The following IRAG1 variants were observed in gnomAD, a reference collection of about 807,000 sequenced individuals.
The protein encoded by IRAG1 is inositol 1,4,5-triphosphate receptor associated 1.
IRAG1 carries 62 observed loss-of-function variants against 106.2 expected under a neutral mutation model. That is an observed-to-expected ratio of 0.58 (90% CI 0.48 to 0.72). The LOEUF is 0.72. Among genes scored for constraint, IRAG1 ranks in the 30% least tolerant of loss-of-function variants. IRAG1 has a pLI of 0.00. For synonymous variants in IRAG1, 462 were observed against 443.9 expected, an observed-to-expected ratio of 1.04 and a Z score of -0.51; for missense variants, 1,064 against 1,140.7, an observed-to-expected ratio of 0.93 and a Z score of 0.97.
chr11:10,670,287 C>T (rs537994357), intron 1 of IRAG1, among the ~76,000 whole-genome samples: 73 of 152,232 alleles, frequency 4.8e-4, no homozygotes, highest in African/African-American at 1.7e-3. Flanking sequence ...ACTTTAAAGC[C>T]GGCAGTGTAA....
At chr11:10,682,810 A>G (rs1482271519) in intron 1 of IRAG1, among the ~76,000 whole-genome samples, 1 of 152,136 alleles carries the variant, frequency 6.6e-6, no homozygotes, top group Non-Finnish European at 1.5e-5. Context: ...TTTAGTAAGA[A>G]CCCCTATATA....
chr11:10,675,208 G>T (rs1207792522), intron 1 of IRAG1, among the ~76,000 whole-genome samples: 1 of 152,178 alleles, frequency 6.6e-6, no homozygotes, highest in Non-Finnish European at 1.5e-5. Context: ...TTCCACCCTG[G>T]ACTGGGCCAG....
chr11:10,597,294 A>T (rs1311317218), intron 15 of IRAG1, among the ~76,000 whole-genome samples: 2 of 151,892 alleles, frequency 1.3e-5, no homozygotes, highest in African/African-American at 4.8e-5. Context: ...GTATTCTTTT[A>T]CTCTGTTTTT....
rs528867271 is a variant in IRAG1 at position 10,601,094 on chromosome 11, T to C, written c.1876-35A>G. The C allele has an allele frequency of 3.7e-6, 6 of 1,611,410 alleles. No individual in the cohort carries two copies. The Admixed American group carries it at 5.0e-5, about 13-fold the overall frequency. On this transcript the variant is annotated intron_variant, in intron 14 of 20. Coordinates refer to ENST00000423302, the MANE Select transcript of IRAG1 (RefSeq NM_130385.4). ...AGGAGCGCATGAGTGCATGAGGCCATTGGAGGAAAGGCTCCGTTGGCACTT... is the reference window on the plus strand; with the variant it reads ...AGGAGCGCATGAGTGCATGAGGCCACTGGAGGAAAGGCTCCGTTGGCACTT...
In IRAG1 at chr11:10,628,158, G is replaced by A. The variant is rs1359486583; in HGVS notation, c.653-133C>T. 35 of 938,610 alleles carry A rather than the reference G, an allele frequency of 3.7e-5. No homozygotes were observed. Among genetic ancestry groups the A allele is most frequent in the East Asian group, 2.9e-4 (11 of 38,126 alleles). 58.1% of individuals were successfully genotyped at this position (938,610 alleles called of 1,614,324 possible). On this transcript the variant is annotated intron_variant, in intron 6 of 20. Coordinates refer to ENST00000423302, the MANE Select transcript of IRAG1 (RefSeq NM_130385.4). This position sits in a 1 kb window ranked among gnomAD's most constrained non-coding sequence, Gnocchi z 4.1. Reference sequence around the variant, plus strand: ...CTGGAAGATTTGCTGACTACCTCCCGTGTGCCAGGTTCTCAGGTGGGCCCT... The same window carrying A: ...CTGGAAGATTTGCTGACTACCTCCCATGTGCCAGGTTCTCAGGTGGGCCCT...
At chr11:10,634,788 TACA>T in intron 2 of IRAG1, among the ~76,000 whole-genome samples, 3 of 151,166 alleles carry the variant, frequency 2.0e-5, no homozygotes, top group Non-Finnish European at 4.4e-5. Context: ...TGTGTGTGTA[TACA>T]GACACAATAT....
rs767487584 is a variant in IRAG1, at chr11:10,628,596, C to T, written c.652+155G>A. ...CTCCTCTGGGTGGCCCAGCAAATGC[C>T]CCCCCTGGAGAGGGGTCTTGCTCTG... On this transcript the variant is annotated intron_variant, in intron 6 of 20. Transcript: ENST00000423302. This position sits in a 1 kb window ranked among gnomAD's most constrained non-coding sequence, Gnocchi z 4.1. Among the ~76,000 whole-genome samples, 18 of 152,144 alleles carry T rather than the reference C, an allele frequency of 1.2e-4. No homozygotes were observed. Among genetic ancestry groups the T allele is most frequent in the South Asian group, 6.2e-4 (3 of 4,832 alleles).
intron 3 of IRAG1, among the ~76,000 whole-genome samples, chr11:10,633,744 C>T (rs772550855): frequency 1.3e-5 from 2 of 152,108 alleles, no homozygotes; most frequent in East Asian, 1.9e-4. Flanking sequence ...CTGGAGCCGT[C>T]GCAGAGCCAA....
chr11:10,626,411 G>T lies in IRAG1; in HGVS notation c.923C>A (p.Pro308His). The T allele has an allele frequency of 6.2e-7, 1 of 1,613,970 alleles. No individual in the cohort carries two copies. Among genetic ancestry groups the T allele is most frequent in the Non-Finnish European group, 8.5e-7 (1 of 1,179,876 alleles). The change falls in exon 9 of 21, where the codon CCT becomes CAT. Residue 308 changes from proline to histidine, a missense_variant. Pro to His is a moderately conservative substitution (Grantham distance 77, BLOSUM62 -2). Coordinates refer to ENST00000423302, the MANE Select transcript of IRAG1 (RefSeq NM_130385.4). The part of the protein sequence containing the change: ...YPETTPKGLA[P>H]VTNSSGKMAL... ...CATTTTCCCACTGCTGTTTGTAACA[G>T]GAGCTAGGCCTTTGGGTGTGGTCTC...
intron 1 of IRAG1, chr11:10,652,505 G>T: frequency 2.4e-6 from 1 of 423,344 alleles, no homozygotes; most frequent in Non-Finnish European, 4.0e-6. Context: ...CACATTGGCA[G>T]TTGTTTACCA....
chr11:10,654,169 G>A (rs976250685), intron 1 of IRAG1, among the ~76,000 whole-genome samples: 15 of 152,106 alleles, frequency 9.9e-5, no homozygotes, highest in African/African-American at 3.4e-4. Flanking sequence ...GAAAGGGCTC[G>A]GAAAGCCCCT....
chr11:10,653,075 T>C (rs887966858), intron 1 of IRAG1, among the ~76,000 whole-genome samples: 15 of 152,244 alleles, frequency 9.9e-5, no homozygotes, highest in African/African-American at 2.9e-4. Flanking sequence ...GGCTCAGGGA[T>C]AGACAATGGA....
rs193227350 is a variant in IRAG1 at position 10,658,006 on chromosome 11, G to A, written c.68-5824C>T. Among the ~76,000 whole-genome samples, 119 of 152,364 alleles carry A rather than the reference G, an allele frequency of 7.8e-4. 1 individual carries two copies. The highest frequency in any genetic ancestry group is 2.7e-3 in the African/African-American group (111 of 41,586). ...TTTGACGGTTTTGCTCATAGTAAAG[G>A]GTAAGCCATTGTGTCTGTGCTGTGA... On this transcript the variant is annotated intron_variant, in intron 1 of 20. Coordinates refer to ENST00000423302, the MANE Select transcript of IRAG1 (RefSeq NM_130385.4).
At position 10,627,733 on chromosome 11, in the gene IRAG1, G is replaced by C. The variant is rs777376966; in HGVS notation, c.733C>G (p.Pro245Ala). 1.2e-6 allele frequency: 2 copies of C among 1,614,008 alleles called. No homozygotes were observed. The highest frequency in any genetic ancestry group is 2.2e-5 in the South Asian group (2 of 91,090). Residue 245 changes from proline (P) to alanine (A), a missense_variant, in exon 8 of 21, where the codon CCT (proline) becomes GCT (alanine). Pro to Ala is a conservative substitution (Grantham distance 27, BLOSUM62 -1). Transcript: ENST00000423302. ...AAACTCACAGGCTCGCCAGGGTGAG[G>C]TGAAGAGACGTCGGCCTCATCCCCC... The part of the protein sequence containing the change: ...QKGDEADVSS[P>A]HPGEPNVPKG...
chr11:10,687,878 G>C (rs531088327), intron 1 of IRAG1: 44 of 1,035,666 alleles, frequency 4.2e-5, no homozygotes, highest in South Asian at 1.5e-4. Flanking sequence ...CTTTTTTTTG[G>C]GGGGGGGTGG....
chr11:10,611,574 A>C (rs2134412395), intron 10 of IRAG1: 1 of 152,366 alleles, frequency 6.6e-6, no homozygotes, highest in East Asian at 1.9e-4. Context: ...AACCAAATTA[A>C]CAACAAAAAA....
At chr11:10,689,496 A>T (rs1589987773) in intron 1 of IRAG1, among the ~76,000 whole-genome samples, 2 of 152,316 alleles carry the variant, frequency 1.3e-5, no homozygotes, top group Middle Eastern at 6.8e-3. Flanking sequence ...ACAAGCTCAC[A>T]CCTTGGGCCA....
chr11:10,678,302 G>A (rs1860871155), intron 1 of IRAG1, among the ~76,000 whole-genome samples: 1 of 152,196 alleles, frequency 6.6e-6, no homozygotes, highest in Non-Finnish European at 1.5e-5. Context: ...CTTTCACGCT[G>A]AGAGAGCCCA....
Position 10,678,160 on chromosome 11 carries a change from C to T in IRAG1, c.67+15376G>A, listed in dbSNP as rs190782370. Among the ~76,000 whole-genome samples, 16 of 152,274 alleles carry T rather than the reference C, an allele frequency of 1.1e-4. No individual in the cohort carries two copies. The East Asian group carries it at 2.7e-3, about 26-fold the overall frequency. The stretch of plus-strand genomic sequence containing the variant: ...CTGTGATACAACTTCTGTTTGAACA[C>T]CTGTTTTCAATTCTTTTGCATATAG... On this transcript the variant is annotated intron_variant, in intron 1 of 20. Transcript: ENST00000423302.
Sources: gnomAD v4.1 joint callset for allele counts (sites outside exome capture counted in the v4.1 genomes callset) on GRCh38, gnomAD v4.1.1 for gene constraint, Gnocchi (gnomAD v3.1) non-coding constraint, MANE v1.5 for transcripts, NCBI Gene and HGNC (gene_info 2026-07-23, HGNC 2026-07-21) for gene names.